The following EPB42 variants were observed in gnomAD, a reference collection of about 807,000 sequenced individuals.
EPB42 encodes erythrocyte membrane protein band 4.2.
EPB42 carries 49 observed loss-of-function variants against 76.9 expected under a neutral mutation model. The ratio of observed to expected loss-of-function variants is 0.64; its 90% CI spans 0.51 to 0.81. The LOEUF is 0.81. EPB42 is among the 30% of genes least tolerant of loss of function. The pLI is 0.00. For synonymous variants in EPB42, 310 were observed against 338.4 expected (o/e 0.92, Z 0.92); for missense variants, 731 against 867.6 (o/e 0.84, Z 1.98).
At chr15:43,202,865 T>C (rs559260055) in intron 11 of EPB42, among the ~76,000 whole-genome samples, 43 of 152,324 alleles carry the variant, frequency 2.8e-4, no homozygotes, top group African/African-American at 9.9e-4. Context: ...TTATGATCCC[T>C]GTAGGTAGGA....
At chr15:43,197,903 G>A (rs1230903664) in intron 12 of EPB42, among the ~76,000 whole-genome samples, 1 of 152,124 alleles carries the variant, frequency 6.6e-6, no homozygotes, top group African/African-American at 2.4e-5. Context: ...TGCTATTCTC[G>A]TGATAGTGAA....
chr15:43,205,627 T>C (rs1341054968), intron 10 of EPB42, among the ~76,000 whole-genome samples: 5 of 152,184 alleles, frequency 3.3e-5, no homozygotes, highest in Admixed American at 3.3e-4. Flanking sequence ...CTTGAACTCC[T>C]GACCTCAGGT....
intron 3 of EPB42, among the ~76,000 whole-genome samples, chr15:43,212,478 A>G (rs2042316375): frequency 6.6e-6 from 1 of 152,342 alleles, no homozygotes; most frequent in East Asian, 1.9e-4. Flanking sequence ...GAGCTTCCCA[A>G]TGGCTTGTAT....
intron 10 of EPB42, among the ~76,000 whole-genome samples, chr15:43,203,896 C>A (rs1442134650): frequency 6.6e-6 from 1 of 152,170 alleles, no homozygotes; most frequent in East Asian, 1.9e-4. Flanking sequence ...GCATATAAAG[C>A]ACTTAACACC....
intron 11 of EPB42, among the ~76,000 whole-genome samples, 173 bp from the exon 12 acceptor site, chr15:43,202,150 C>T (rs568043032): frequency 6.6e-6 from 1 of 152,294 alleles, no homozygotes; most frequent in African/African-American, 2.4e-5. Flanking sequence ...CATTTATTCC[C>T]ACCCTTGGTC....
intron 4 of EPB42, 24 bp from the exon 5 acceptor site, chr15:43,210,463 T>A: frequency 6.2e-7 from 1 of 1,605,736 alleles, no homozygotes. Flanking sequence ...CACAGGGCCA[T>A]GATGAAGGGT....
In EPB42 at chr15:43,203,785, C is replaced by T. The variant is rs545608875; in HGVS notation, c.1619-510G>A. Among the ~76,000 whole-genome samples, 7 of 152,196 alleles carry T rather than the reference C, an allele frequency of 4.6e-5. No homozygotes were observed. The South Asian group carries it at 6.2e-4, about 14-fold the overall frequency. On this transcript the variant is annotated intron_variant, in intron 10 of 12. Coordinates refer to ENST00000441366, the MANE Select transcript of EPB42 (RefSeq NM_001114134.2). ...AGCTGTGTAACCCTGAGTAAATTAA[C>T]GACCCTCTCTGTGTCTCATCTCCTC... is the stretch of plus-strand genomic sequence containing the variant.
chr15:43,208,617 A>G lies in EPB42; in HGVS notation c.971+20T>C. 1 of 1,613,920 alleles carries G rather than the reference A, an allele frequency of 6.2e-7. No homozygotes were observed. The stretch of plus-strand genomic sequence containing the variant: ...GGAGCCCTTCCTGGACTGGAACCTC[A>G]TCTCCCTTGGGCTTCTCACCAGATT... On this transcript the variant is annotated intron_variant, in intron 7 of 12. Coordinates refer to ENST00000441366, the MANE Select transcript of EPB42 (RefSeq NM_001114134.2).
Position 43,220,879 on chromosome 15 carries a change from C to T in EPB42, c.-54G>A. On this transcript the variant is annotated 5_prime_UTR_variant, in exon 1 of 13. Transcript: ENST00000441366. ...GGCCGCAGAAAGCGCCTCTCTCAAA[C>T]TGTTGCTTCTGGGCTCCTTCTGGGC... 6.6e-7 allele frequency: 1 copy of T among 1,525,702 alleles called. No homozygotes were observed. Among genetic ancestry groups the T allele is most frequent in the Non-Finnish European group, 9.0e-7 (1 of 1,108,618 alleles). The allele number at this position is 1,525,702 out of a possible 1,614,324, so 94.5% of individuals were successfully genotyped here.
chr15:43,202,702 T>G (rs747943742), intron 11 of EPB42, among the ~76,000 whole-genome samples: 2 of 152,180 alleles, frequency 1.3e-5, no homozygotes, highest in Non-Finnish European at 2.9e-5. Flanking sequence ...CCTCTAGAAC[T>G]TCCTGTTTTT....
chr15:43,204,870 C>T (rs1167086821), intron 10 of EPB42, among the ~76,000 whole-genome samples: 1 of 151,994 alleles, frequency 6.6e-6, no homozygotes, highest in Non-Finnish European at 1.5e-5. Context: ...TTACATCAGA[C>T]TCTGGCGATG....
intron 3 of EPB42, among the ~76,000 whole-genome samples, chr15:43,212,369 CAAAAAAAAA>C (rs35031544): frequency 6.9e-5 from 6 of 86,874 alleles, no homozygotes; most frequent in African/African-American, 2.7e-4. Context: ...AACTCCGTCT[CAAAAAAAAA>C]AAAAAAAAGA....
chr15:43,206,297 C>A lies in EPB42; in HGVS notation c.1618+33G>T. On this transcript the variant is annotated intron_variant, in intron 10 of 12. Transcript: ENST00000441366. This position sits in a 1 kb window ranked among gnomAD's most constrained non-coding sequence, Gnocchi z 4.7. Reference sequence around the variant, plus strand: ...GCAGGGGCCATGTGTGTGTGTGTGTCGGGGGGTGTCTGGTGGGGCCATAGA... The same window carrying A: ...GCAGGGGCCATGTGTGTGTGTGTGTAGGGGGGTGTCTGGTGGGGCCATAGA... 6.3e-7 allele frequency: 1 copy of A among 1,575,458 alleles called. No individual in the cohort carries two copies. Among genetic ancestry groups the A allele is most frequent in the Non-Finnish European group, 8.6e-7 (1 of 1,157,228 alleles).
At chr15:43,207,958 A>G (rs1460342404) in intron 8 of EPB42, among the ~76,000 whole-genome samples, 8 of 152,080 alleles carry the variant, frequency 5.3e-5, no homozygotes, top group Non-Finnish European at 1.0e-4. Flanking sequence ...CCATCTTAAG[A>G]TCCTCTGCCC....
chr15:43,218,938 A>ATGTG (rs1486451904), intron 1 of EPB42, among the ~76,000 whole-genome samples: 100 of 152,152 alleles, frequency 6.6e-4, no homozygotes, highest in Non-Finnish European at 1.2e-3. Context: ...GTTAACCCGG[A>ATGTG]GATCATGTGG....
chr15:43,209,407 G>T lies in EPB42; in HGVS notation c.699C>A (p.Thr233=), dbSNP rs2042258088. 6.2e-7 allele frequency: 1 copy of T among 1,613,500 alleles called. No individual in the cohort carries two copies. The highest frequency in any genetic ancestry group is 8.5e-7 in the Non-Finnish European group (1 of 1,179,726). The change falls in exon 6 of 13, where the codon ACC becomes ACA. Residue 233 remains threonine, a synonymous_variant. Transcript: ENST00000441366. Reference sequence around the variant, plus strand: ...GCAAGGCCCCTTCCTGGGTGGCCTGGGTCTGCGGGGTGGGCAGGACCCTCT... The same window carrying T: ...GCAAGGCCCCTTCCTGGGTGGCCTGTGTCTGCGGGGTGGGCAGGACCCTCT... ...KEQRVLPTPQ[T]QATQEGALLN...
chr15:43,225,566 G>C (rs1182251974), upstream of EPB42, among the ~76,000 whole-genome samples: 1 of 152,190 alleles, frequency 6.6e-6, no homozygotes, highest in Non-Finnish European at 1.5e-5. Flanking sequence ...GAACTGTTAG[G>C]AACCGCGTTA....
At chr15:43,223,993 AT>A (rs2042485676), upstream of EPB42, among the ~76,000 whole-genome samples, 2 of 152,038 alleles carry the variant, frequency 1.3e-5, no homozygotes, top group African/African-American at 4.8e-5. Context: ...AAATAAATAA[AT>A]TAATTAATAA....
intron 10 of EPB42, among the ~76,000 whole-genome samples, chr15:43,203,718 T>C (rs186652394): frequency 3.5e-4 from 53 of 152,252 alleles, no homozygotes; most frequent in Admixed American, 2.8e-3. Flanking sequence ...AGTTGAATCC[T>C]CTGCTTTCTA....
Sources: gnomAD v4.1 joint callset for allele counts (sites outside exome capture counted in the v4.1 genomes callset) on GRCh38, gnomAD v4.1.1 for gene constraint, Gnocchi (gnomAD v3.1) non-coding constraint, MANE v1.5 for transcripts, NCBI Gene and HGNC (gene_info 2026-07-23, HGNC 2026-07-21) for gene names.